TSNARE1: variants seen among roughly 807,000 people sequenced by gnomAD.
TSNARE1 encodes t-SNARE domain-containing protein 1.
A neutral mutation model predicts 62.0 loss-of-function variants in TSNARE1; 49 were observed. The ratio of observed to expected loss-of-function variants is 0.79; its 90% CI spans 0.63 to 1.00. TSNARE1 has a LOEUF of 1.00. Among genes scored for constraint, TSNARE1 ranks in the 50% least tolerant of loss-of-function variants. The pLI is 0.00. For synonymous variants in TSNARE1, 328 were observed against 294.4 expected (o/e 1.11, Z -1.17); for missense variants, 755 against 700.1 (o/e 1.08, Z -0.88).
intron 4 of TSNARE1, among the ~76,000 whole-genome samples, chr8:142,335,398 G>A (rs13255623): frequency 0.14 from 20,563 of 152,196 alleles, 1,483 homozygotes; most frequent in East Asian, 0.22. Flanking sequence ...TGAGGCGGGC[G>A]TGGGACACAG....
chr8:142,313,573 CTG>C (rs1828006447), intron 9 of TSNARE1, among the ~76,000 whole-genome samples: 1 of 151,856 alleles, frequency 6.6e-6, no homozygotes, highest in African/African-American at 2.4e-5. Context: ...GTCTGCGCAT[CTG>C]TGTTTATCTG....
intron 13 of TSNARE1, among the ~76,000 whole-genome samples, chr8:142,221,769 T>TCATTCACTCACTCTTC (rs1816241922): frequency 1.4e-5 from 2 of 141,088 alleles, no homozygotes; most frequent in Non-Finnish European, 3.2e-5. Flanking sequence ...ACTCACTCAC[T>TCATTCACTCACTCTTC]CACTCATTCA....
At chr8:142,357,201 G>C (rs927037140) in intron 1 of TSNARE1, among the ~76,000 whole-genome samples, 2 of 152,226 alleles carry the variant, frequency 1.3e-5, no homozygotes, top group East Asian at 3.8e-4. Flanking sequence ...CCCAGCCAGA[G>C]CTCACTCGAG....
intron 4 of TSNARE1, among the ~76,000 whole-genome samples, chr8:142,343,365 C>G (rs908848125): frequency 6.6e-6 from 1 of 151,934 alleles, no homozygotes; most frequent in African/African-American, 2.4e-5. Flanking sequence ...ATGAGTAGCA[C>G]AAGACGCAGC....
intron 12 of TSNARE1, among the ~76,000 whole-genome samples, chr8:142,239,778 G>T (rs1439037188): frequency 6.6e-6 from 1 of 152,172 alleles, no homozygotes; most frequent in African/African-American, 2.4e-5. Context: ...GAGAATGTCG[G>T]CTCCTCCTGA....
intron 1 of TSNARE1, among the ~76,000 whole-genome samples, chr8:142,375,813 C>G (rs1836286810): frequency 6.6e-6 from 1 of 152,236 alleles, no homozygotes; most frequent in African/African-American, 2.4e-5. Context: ...TGCTTGCTCC[C>G]AGGCCTGGCT....
intron 12 of TSNARE1, chr8:142,270,378 T>C (rs1468537942): frequency 2.0e-6 from 2 of 985,318 alleles, no homozygotes; most frequent in East Asian, 1.1e-4. Context: ...CACTGCTGCC[T>C]GCTTTGTCAT....
chr8:142,383,486 C>T (rs1229357506), intron 1 of TSNARE1, among the ~76,000 whole-genome samples: 2 of 152,154 alleles, frequency 1.3e-5, no homozygotes, highest in African/African-American at 4.8e-5. Flanking sequence ...GCTGGCCAGG[C>T]GCTGTCCGTG....
chr8:142,277,510 C>G (rs990815015), intron 11 of TSNARE1: 5 of 985,478 alleles, frequency 5.1e-6, no homozygotes, highest in Non-Finnish European at 6.0e-6. Flanking sequence ...ATGGCCGGCT[C>G]GGGGCAACTG....
intron 1 of TSNARE1, among the ~76,000 whole-genome samples, chr8:142,357,915 G>A (rs1456223178): frequency 6.6e-6 from 1 of 152,254 alleles, no homozygotes; most frequent in East Asian, 1.9e-4. Flanking sequence ...GGCTCCATGA[G>A]AGGAGGGGGC....
chr8:142,271,306 G>C (rs981756337), intron 12 of TSNARE1: 18 of 1,108,776 alleles, frequency 1.6e-5, no homozygotes, highest in African/African-American at 3.3e-5. Context: ...CCAGACGCTG[G>C]CTCTGCTCGG....
chr8:142,314,606 C>T (rs577551823), intron 8 of TSNARE1, among the ~76,000 whole-genome samples, 166 bp from the exon 9 acceptor site: 6 of 152,024 alleles, frequency 3.9e-5, no homozygotes, highest in Admixed American at 1.3e-4. Context: ...GCCAGCGACT[C>T]GCTGGATGGC....
At chr8:142,334,919 G>A (rs1272228447) in intron 4 of TSNARE1, among the ~76,000 whole-genome samples, 1 of 152,212 alleles carries the variant, frequency 6.6e-6, no homozygotes, top group East Asian at 1.9e-4. Flanking sequence ...CAGATGTGAA[G>A]TACAGGAAAT....
At chr8:142,306,919 A>G (rs1269723973) in intron 9 of TSNARE1, among the ~76,000 whole-genome samples, 2 of 152,182 alleles carry the variant, frequency 1.3e-5, no homozygotes, top group African/African-American at 2.4e-5. Flanking sequence ...GCCAAGACAC[A>G]GGACACTGGT....
At chr8:142,226,394 A>G (rs1254097494) in intron 13 of TSNARE1, among the ~76,000 whole-genome samples, 1 of 152,122 alleles carries the variant, frequency 6.6e-6, no homozygotes, top group East Asian at 1.9e-4. Context: ...GGCTCCTGCA[A>G]TCGAGCTACG....
Position 142,284,572 on chromosome 8 carries a change from C to A in TSNARE1, c.1291-87G>T, listed in dbSNP as rs1005896291. 9 of 1,153,946 alleles carry A rather than the reference C, an allele frequency of 7.8e-6. No homozygotes were observed. The Admixed American group carries it at 1.6e-4, about 20-fold the overall frequency. The allele number at this position is 1,153,946 out of a possible 1,614,324, so 71.5% of individuals were successfully genotyped here. A position where few individuals can be genotyped will look rare whatever the true frequency, so the allele number is the denominator to read the frequency against. On this transcript the variant is annotated intron_variant, in intron 10 of 13. Transcript: ENST00000524325. ...TGAAAGTTTCCCATGGAACCTGGGG[C>A]GGGCCCAGGTGGCACCTGCAGAATC...
chr8:142,391,810 T>C (rs958020384), intron 1 of TSNARE1, among the ~76,000 whole-genome samples: 3 of 152,228 alleles, frequency 2.0e-5, no homozygotes, highest in Non-Finnish European at 4.4e-5. Flanking sequence ...CACTGCTCCA[T>C]GCCTGGCTCA....
chr8:142,333,603 C>T (rs1301438950), intron 4 of TSNARE1, among the ~76,000 whole-genome samples: 1 of 152,118 alleles, frequency 6.6e-6, no homozygotes, highest in Non-Finnish European at 1.5e-5. Context: ...CAGGACAAGG[C>T]CCAAGCCCAG....
intron 12 of TSNARE1, among the ~76,000 whole-genome samples, chr8:142,267,381 G>A (rs1819189305): frequency 6.6e-6 from 1 of 152,170 alleles, no homozygotes; most frequent in African/African-American, 2.4e-5. Flanking sequence ...GATCCTCTAG[G>A]GTGGGCAAGC....
Sources: gnomAD v4.1 joint callset for allele counts (sites outside exome capture counted in the v4.1 genomes callset) on GRCh38, gnomAD v4.1.1 for gene constraint, MANE v1.5 for transcripts, NCBI Gene and HGNC (gene_info 2026-07-23, HGNC 2026-07-21) for gene names.